Variants in TEX11 observed in about 807,000 individuals in gnomAD.
The protein encoded by TEX11 is testis expressed 11, also known as testis-expressed protein 11.
A neutral mutation model predicts 84.4 loss-of-function variants in TEX11; 7 were observed. The ratio of observed to expected loss-of-function variants is 0.08; its 90% CI spans 0.05 to 0.16. The LOEUF is 0.16. TEX11 is among the 10% of genes least tolerant of loss of function. TEX11 has a pLI of 1.00. For synonymous variants in TEX11, 264 were observed against 222.8 expected, an observed-to-expected ratio of 1.18 and a Z score of -1.64; for missense variants, 551 against 660.5, an observed-to-expected ratio of 0.83 and a Z score of 1.82.
At chrX:70,724,002 T>C (rs1441547955) in intron 12 of TEX11, 2 of 632,453 alleles carry the variant, frequency 3.2e-6, no homozygotes, top group African/African-American at 4.9e-5. Context: ...ACTTCGGGAG[T>C]ATCTAGATTG....
chrX:70,887,421 C>T (rs1424691013), intron 2 of TEX11, among the ~76,000 whole-genome samples: 1 of 111,829 alleles, frequency 8.9e-6, no homozygotes, highest in Non-Finnish European at 1.9e-5. Flanking sequence ...AAGTAAACAT[C>T]GGCAGTAGCC....
At chrX:70,623,848 A>G in intron 20 of TEX11, 102 bp downstream of exon 20, 1 of 705,683 alleles carries the variant, frequency 1.4e-6, no homozygotes, top group Non-Finnish European at 2.1e-6. Context: ...ACCTGTATTG[A>G]TCTTACCCAC....
At chrX:70,893,783 A>G (rs1336284906) in intron 2 of TEX11, among the ~76,000 whole-genome samples, 1 of 111,558 alleles carries the variant, frequency 9.0e-6, no homozygotes, top group Non-Finnish European at 1.9e-5. Flanking sequence ...CATTGAGTCC[A>G]GGAGCTGGTT....
intron 9 of TEX11, among the ~76,000 whole-genome samples, chrX:70,755,292 C>G (rs2090859297): frequency 9.0e-6 from 1 of 111,614 alleles, no homozygotes; most frequent in Non-Finnish European, 1.9e-5. Context: ...TTTTAACAGA[C>G]AAATTTATTT....
chrX:70,570,082 T>C (rs2088568379), intron 25 of TEX11, among the ~76,000 whole-genome samples: 2 of 111,954 alleles, frequency 1.8e-5, no homozygotes, highest in African/African-American at 6.5e-5. Context: ...CCAGGCTGCT[T>C]TGTTTACCTA....
At chrX:70,587,591 C>T (rs939520789) in intron 25 of TEX11, among the ~76,000 whole-genome samples, 13 of 112,313 alleles carry the variant, frequency 1.2e-4, no homozygotes, top group Admixed American at 7.5e-4. Flanking sequence ...AATGGGTGTC[C>T]GTGGAGAAGT....
At chrX:70,725,759 G>A (rs935219044) in intron 11 of TEX11, among the ~76,000 whole-genome samples, 2 of 112,083 alleles carry the variant, frequency 1.8e-5, no homozygotes, top group East Asian at 2.8e-4. Flanking sequence ...TATGCCTGTC[G>A]TGTTTACCAT....
intron 13 of TEX11, among the ~76,000 whole-genome samples, chrX:70,694,736 T>C (rs1663318995): frequency 8.9e-6 from 1 of 112,173 alleles, no homozygotes; most frequent in African/African-American, 3.2e-5. Context: ...TAAAGAAAAG[T>C]TTATTTAGCT....
At chrX:70,526,921 G>C (rs1300438755), downstream of TEX11, among the ~76,000 whole-genome samples, 1 of 111,738 alleles carries the variant, frequency 8.9e-6, no homozygotes, top group African/African-American at 3.2e-5. Context: ...TGTCAAATGG[G>C]GGTAGGACCC....
Position 70,860,947 on chromosome X carries a change from G to A in TEX11, c.245-11C>T, listed in dbSNP as rs2091565195. ...AAGCAACATAATGTACTGCAAAACA[G>A]TAATTAGACAATGATAAACACAAAA... On this transcript the variant is annotated splice_polypyrimidine_tract_variant and intron_variant, in intron 4 of 29. Coordinates refer to ENST00000374333, the MANE Select transcript of TEX11 (RefSeq NM_031276.3). The A allele has an allele frequency of 1.8e-6, 2 of 1,109,453 alleles. No homozygotes were observed. Among genetic ancestry groups the A allele is most frequent in the African/African-American group, 1.9e-5 (1 of 53,534 alleles). 91.4% of individuals were successfully genotyped at this position (1,109,453 alleles called of 1,213,427 possible).
At chrX:70,758,313 GA>G (rs771540505) in intron 9 of TEX11, among the ~76,000 whole-genome samples, 3 of 111,946 alleles carry the variant, frequency 2.7e-5, no homozygotes, top group African/African-American at 9.7e-5. Flanking sequence ...CAAATCAACA[GA>G]ATATACATTC....
intron 3 of TEX11, among the ~76,000 whole-genome samples, chrX:70,875,517 T>C (rs2091651251): frequency 1.9e-5 from 2 of 106,835 alleles, no homozygotes; most frequent in Admixed American, 1.0e-4. Flanking sequence ...GGCAGGTGGA[T>C]CACTTGAGGT....
chrX:70,527,073 T>C (rs568720723), downstream of TEX11, among the ~76,000 whole-genome samples: 4 of 111,995 alleles, frequency 3.6e-5, no homozygotes, highest in South Asian at 1.5e-3. Context: ...CAATGCCAAC[T>C]AATAAATGAA....
At chrX:70,815,832 G>T (rs1383569183) in intron 8 of TEX11, among the ~76,000 whole-genome samples, 2 of 111,930 alleles carry the variant, frequency 1.8e-5, no homozygotes, top group Non-Finnish European at 3.8e-5. Flanking sequence ...GATTTGACTT[G>T]CTTAAGAGTA....
At chrX:70,882,287 A>G (rs2091687671) in intron 2 of TEX11, among the ~76,000 whole-genome samples, 1 of 110,937 alleles carries the variant, frequency 9.0e-6, no homozygotes, top group Non-Finnish European at 1.9e-5. Context: ...TTTTGAGAAG[A>G]AAACAAAACC....
intron 9 of TEX11, among the ~76,000 whole-genome samples, chrX:70,757,250 A>T (rs969319803): frequency 1.8e-5 from 2 of 111,529 alleles, no homozygotes; most frequent in Non-Finnish European, 3.8e-5. Context: ...TCAACATTCA[A>T]ATTCAGGAAA....
chrX:70,690,521 C>G (rs370085277), intron 13 of TEX11, among the ~76,000 whole-genome samples: 3 of 110,763 alleles, frequency 2.7e-5, no homozygotes, highest in African/African-American at 9.8e-5. Flanking sequence ...AGTAAGACAC[C>G]CTGTCTCTAC....
chrX:70,590,930 G>A lies in TEX11; in HGVS notation c.2140+821C>T, dbSNP rs543102660. Reference sequence around the variant, plus strand: ...ATGCCTGGCTAACTTTGTATTTTTGGTAGAGACGGGCTTTCTCCGTGTTGG... The same window carrying A: ...ATGCCTGGCTAACTTTGTATTTTTGATAGAGACGGGCTTTCTCCGTGTTGG... On this transcript the variant is annotated intron_variant, in intron 25 of 29. Transcript: ENST00000374333. Among the ~76,000 whole-genome samples, 32 of 110,600 alleles carry A rather than the reference G, an allele frequency of 2.9e-4. 1 individual carries two copies. The South Asian group carries it at 0.012, about 41-fold the overall frequency.
At chrX:70,846,406 C>T (rs917607042) in intron 7 of TEX11, 1 of 112,046 alleles carries the variant, frequency 8.9e-6, no homozygotes, top group African/African-American at 3.2e-5. Context: ...AGCAATCTTA[C>T]CCATCATTGC....
Sources: gnomAD v4.1 joint callset for allele counts (sites outside exome capture counted in the v4.1 genomes callset) on GRCh38, gnomAD v4.1.1 for gene constraint, MANE v1.5 for transcripts, NCBI Gene and HGNC (gene_info 2026-07-23, HGNC 2026-07-21) for gene names.